SCAF8: variants seen among roughly 807,000 people sequenced by gnomAD.
SCAF8 encodes the protein SR-related CTD associated factor 8.
SCAF8 carries 23 observed loss-of-function variants against 140.5 expected under a neutral mutation model. The observed-to-expected ratio is 0.16, with a 90% confidence interval of 0.12 to 0.23. The LOEUF (loss-of-function observed/expected upper bound fraction) is 0.23, where lower values mean the gene tolerates loss of function less well. Ranked by LOEUF, SCAF8 falls within the 10% of genes least tolerant of loss-of-function variation. SCAF8 has a pLI of 1.00. For synonymous variants in SCAF8, 575 were observed against 528.9 expected, an observed-to-expected ratio of 1.09 and a Z score of -1.20; for missense variants, 1,397 against 1,555.7, an observed-to-expected ratio of 0.90 and a Z score of 1.72.
chr6:154,770,463 T>G (rs888870725), intron 1 of SCAF8, among the ~76,000 whole-genome samples: 1 of 151,006 alleles, frequency 6.6e-6, no homozygotes, highest in Non-Finnish European at 1.5e-5. Flanking sequence ...TCCAGCTACT[T>G]GAGAGGTTGA....
intron 3 of SCAF8, among the ~76,000 whole-genome samples, chr6:154,784,061 C>T (rs534855645): frequency 7.0e-6 from 1 of 142,084 alleles, no homozygotes; most frequent in Non-Finnish European, 1.5e-5. Context: ...AGCGAGACTC[C>T]GTCTCAAAAA....
In SCAF8 at chr6:154,815,627, A is replaced by G. The variant is rs559405875; in HGVS notation, c.1421-89A>G. 3.4e-5 allele frequency: 18 copies of G among 529,422 alleles called. No homozygotes were observed. The East Asian group carries it at 5.1e-4, about 15-fold the overall frequency. 32.8% of individuals were successfully genotyped at this position (529,422 alleles called of 1,614,324 possible). A position where few individuals can be genotyped will look rare whatever the true frequency, so the allele number is the denominator to read the frequency against. Reference sequence around the variant, plus strand: ...ATATATTATCTTAAATTTAATTATTATGTGTATTACTGCTTTTTCCTCAAT... The same window carrying G: ...ATATATTATCTTAAATTTAATTATTGTGTGTATTACTGCTTTTTCCTCAAT... On this transcript the variant is annotated intron_variant, in intron 12 of 19. Coordinates refer to ENST00000367178, the MANE Select transcript of SCAF8 (RefSeq NM_014892.5).
intron 1 of SCAF8, among the ~76,000 whole-genome samples, chr6:154,758,093 G>T (rs192423365): frequency 2.0e-5 from 3 of 151,830 alleles, no homozygotes; most frequent in Admixed American, 1.3e-4. Context: ...TGTATTTTTG[G>T]TAAAGACAGG....
Position 154,790,934 on chromosome 6 carries a change from A to G in SCAF8, c.322-1889A>G, listed in dbSNP as rs182520884. On this transcript the variant is annotated intron_variant, in intron 4 of 19. Coordinates refer to ENST00000367178, the MANE Select transcript of SCAF8 (RefSeq NM_014892.5). ...ATAGTTATGTGTTAAACAGTTGTGA[A>G]TCAGATTGTTTGGTGATAGTACCAA... is the stretch of plus-strand genomic sequence containing the variant. 3.9e-3 allele frequency among the ~76,000 whole-genome samples: 592 copies of G among 152,332 alleles called. 3 individuals carry two copies. Among genetic ancestry groups the G allele is most frequent in the African/African-American group, 0.013 (545 of 41,572 alleles).
chr6:154,768,208 C>G (rs962937864), intron 1 of SCAF8, among the ~76,000 whole-genome samples: 21 of 152,132 alleles, frequency 1.4e-4, no homozygotes, highest in Admixed American at 1.4e-3. Flanking sequence ...GGCTGAAGAT[C>G]TCAACCTACT....
At chr6:154,790,360 T>G (rs1777378079) in intron 4 of SCAF8, among the ~76,000 whole-genome samples, 1 of 152,124 alleles carries the variant, frequency 6.6e-6, no homozygotes, top group Non-Finnish European at 1.5e-5. Context: ...TACACAAATT[T>G]GCACATTAAT....
At chr6:154,763,624 A>T (rs1001394294) in intron 1 of SCAF8, among the ~76,000 whole-genome samples, 20 of 152,334 alleles carry the variant, frequency 1.3e-4, no homozygotes, top group African/African-American at 4.1e-4. Flanking sequence ...TGAAATAACA[A>T]GCATGAAGGT....
chr6:154,778,878 A>G (rs1329709439), intron 3 of SCAF8, among the ~76,000 whole-genome samples: 2 of 151,968 alleles, frequency 1.3e-5, no homozygotes, highest in African/African-American at 4.8e-5. Flanking sequence ...TTGAATAACA[A>G]GTATGCTGTC....
Position 154,832,069 on chromosome 6 carries a change from G to A in SCAF8, c.2490G>A (p.Arg830=), listed in dbSNP as rs1254922167. Residue 830 remains arginine (R), a synonymous_variant, in exon 20 of 20, where the codon CGG becomes CGA. Transcript: ENST00000367178. ...GTAATTCTGAAATTCTTGGGGTCCG[G>A]CCATCTAATGTTTCCAGTAGTTCTG... ...VSSNSEILGV[R]PSNVSSSSGI... is the part of the protein sequence containing the mutation. The A allele has an allele frequency of 1.2e-6, 2 of 1,614,050 alleles. No homozygotes were observed. The highest frequency in any genetic ancestry group is 2.2e-5 in the East Asian group (1 of 44,878).
In SCAF8 at chr6:154,733,804, C is replaced by T. The variant is rs745815605; in HGVS notation, c.-97C>T. 33 of 1,435,880 alleles carry T rather than the reference C, an allele frequency of 2.3e-5. No homozygotes were observed. The South Asian group carries it at 2.7e-4, about 12-fold the overall frequency. The allele number at this position is 1,435,880 out of a possible 1,614,324, so 88.9% of individuals were successfully genotyped here. On this transcript the variant is annotated 5_prime_UTR_variant, in exon 1 of 20. Transcript: ENST00000367178. The stretch of plus-strand genomic sequence containing the variant: ...CCCGCTCTCCCGCCAGCGCCCCCTC[C>T]TCGCGGCCACGCAGCAGCCCGCGTC...
intron 4 of SCAF8, among the ~76,000 whole-genome samples, chr6:154,790,471 A>G (rs540731132): frequency 4.1e-5 from 6 of 146,638 alleles, no homozygotes; most frequent in African/African-American, 1.5e-4. Flanking sequence ...ACTTTGTAAA[A>G]CATATACATT....
intron 1 of SCAF8, among the ~76,000 whole-genome samples, chr6:154,758,092 G>C (rs1351516690): frequency 6.6e-6 from 1 of 151,572 alleles, no homozygotes; most frequent in Non-Finnish European, 1.5e-5. Context: ...TTGTATTTTT[G>C]GTAAAGACAG....
chr6:154,809,183 A>G (rs1778012865), intron 11 of SCAF8, among the ~76,000 whole-genome samples: 1 of 152,196 alleles, frequency 6.6e-6, no homozygotes, highest in Non-Finnish European at 1.5e-5. Context: ...AAACTACAAA[A>G]TTTATTTTTA....
chr6:154,771,352 A>G (rs1296905018), intron 1 of SCAF8, among the ~76,000 whole-genome samples: 1 of 152,198 alleles, frequency 6.6e-6, no homozygotes, highest in Non-Finnish European at 1.5e-5. Flanking sequence ...AGAGTATTCC[A>G]AATAGAGGAA....
At chr6:154,799,615 C>T (rs1008231970) in intron 6 of SCAF8, among the ~76,000 whole-genome samples, 7 of 151,142 alleles carry the variant, frequency 4.6e-5, no homozygotes, top group African/African-American at 1.7e-4. Flanking sequence ...TAACTTGTTC[C>T]ATCCTTTTTG....
intron 1 of SCAF8, among the ~76,000 whole-genome samples, chr6:154,772,662 C>G (rs144544153): frequency 6.3e-4 from 96 of 152,304 alleles, no homozygotes; most frequent in African/African-American, 2.1e-3. Flanking sequence ...GAACTCCAGC[C>G]TGGGTGGCAC....
chr6:154,799,323 G>C (rs1008441895), intron 6 of SCAF8, among the ~76,000 whole-genome samples: 1 of 151,058 alleles, frequency 6.6e-6, no homozygotes, highest in African/African-American at 2.4e-5. Context: ...ATGTTGCCCA[G>C]GCTGGTCTCA....
At chr6:154,778,768 AATGTGTGT>A (rs1447337764) in intron 3 of SCAF8, among the ~76,000 whole-genome samples, 10 of 117,592 alleles carry the variant, frequency 8.5e-5, no homozygotes, top group African/African-American at 2.4e-4. Context: ...TGTCTCAAAA[AATGTGTGT>A]GTGTGTGTGT....
chr6:154,784,136 TA>T (rs1777173244), intron 3 of SCAF8, among the ~76,000 whole-genome samples: 4 of 82,996 alleles, frequency 4.8e-5, no homozygotes, highest in Admixed American at 1.1e-4. Flanking sequence ...TATATATATA[TA>T]TATATATATA....
Sources: allele counts gnomAD v4.1 joint callset (sites outside exome capture counted in the v4.1 genomes callset), GRCh38; gene constraint gnomAD v4.1.1; transcripts MANE v1.5; gene names NCBI Gene and HGNC (gene_info 2026-07-23, HGNC 2026-07-21).